The following MAPK4 variants were observed in gnomAD, a reference collection of about 807,000 sequenced individuals.
MAPK4 encodes mitogen-activated protein kinase 4, also known as Erk3-related.
Under a neutral mutation model 47.7 loss-of-function variants are expected in MAPK4, and 22 were observed. The ratio of observed to expected loss-of-function variants is 0.46; its 90% CI spans 0.33 to 0.66. The LOEUF is 0.66. MAPK4 is among the 30% of genes least tolerant of loss of function. The pLI is 0.02. For missense variants in MAPK4, 736 were observed against 831.7 expected, an observed-to-expected ratio of 0.88 and a Z score of 1.42; for synonymous variants, 390 against 365.7, an observed-to-expected ratio of 1.07 and a Z score of -0.76.
At chr18:50,616,936 A>G (rs1352894245) in intron 1 of MAPK4, among the ~76,000 whole-genome samples, 2 of 152,212 alleles carry the variant, frequency 1.3e-5, no homozygotes, top group African/African-American at 2.4e-5. Flanking sequence ...GTATCCTTCA[A>G]TCCAATCAAG....
At position 50,730,024 on chromosome 18, in the gene MAPK4, C is replaced by A; in HGVS notation, c.*170C>A. On this transcript the variant is annotated 3_prime_UTR_variant, in exon 6 of 6. Coordinates refer to ENST00000400384, the MANE Select transcript of MAPK4 (RefSeq NM_002747.4). Reference sequence around the variant, plus strand: ...TCCATTTCTTAAACTGCCTTAATAACTAGCCTTTAACCTGTGGGAGCGGGT... The same window carrying A: ...TCCATTTCTTAAACTGCCTTAATAAATAGCCTTTAACCTGTGGGAGCGGGT... The A allele has an allele frequency of 3.0e-6, 2 of 676,192 alleles. No homozygotes were observed. Among genetic ancestry groups the A allele is most frequent in the Non-Finnish European group, 4.7e-6 (2 of 426,716 alleles). 41.9% of individuals were successfully genotyped at this position (676,192 alleles called of 1,614,324 possible).
At chr18:50,638,745 T>G (rs1469395691) in intron 1 of MAPK4, among the ~76,000 whole-genome samples, 3 of 152,200 alleles carry the variant, frequency 2.0e-5, no homozygotes, top group Admixed American at 6.5e-5. Context: ...AGCAGCAGCA[T>G]CAGCAGCATC....
intron 1 of MAPK4, among the ~76,000 whole-genome samples, chr18:50,637,478 T>C (rs1316300730): frequency 1.3e-5 from 2 of 152,170 alleles, no homozygotes; most frequent in African/African-American, 2.4e-5. Flanking sequence ...CTTAACCAGC[T>C]AAAGTAAAGG....
intron 1 of MAPK4, among the ~76,000 whole-genome samples, chr18:50,645,789 C>A (rs1461010913): frequency 6.6e-6 from 1 of 152,148 alleles, no homozygotes; most frequent in African/African-American, 2.4e-5. Flanking sequence ...GGGTGGAAGG[C>A]TGGGGTTTGG....
chr18:50,726,856 CA>C lies in MAPK4; in HGVS notation c.1067+694del, dbSNP rs60760704. Among the ~76,000 whole-genome samples, 436 of 137,904 alleles carry C rather than the reference CA, an allele frequency of 3.2e-3. 1 individual carries two copies. The highest frequency in any genetic ancestry group is 0.015 in the Middle Eastern group (4 of 268). The allele number at this position is 137,904 out of a possible 152,430, so 90.5% of individuals were successfully genotyped here. On this transcript the variant is annotated intron_variant, in intron 5 of 5. Transcript: ENST00000400384. ...TTGAGGTTGCAGAGTGAGACCCTGT[CA>C]AAAAAAAAAAAATGCCATTAACGGG... is the stretch of plus-strand genomic sequence containing the variant.
intron 2 of MAPK4, among the ~76,000 whole-genome samples, chr18:50,696,799 A>T (rs1474090977): frequency 6.6e-6 from 1 of 152,220 alleles, no homozygotes; most frequent in East Asian, 1.9e-4. Flanking sequence ...GCACACACCA[A>T]CACCAGCTGA....
At position 50,678,026 on chromosome 18, in the gene MAPK4, G is replaced by A. The variant is rs539046074; in HGVS notation, c.546+13522G>A. ...GGGCAGGTACTAACTAGTGCCATGT[G>A]AGCCTAAGCAAGTTACTTAACCTCC... is the stretch of plus-strand genomic sequence containing the variant. On this transcript the variant is annotated intron_variant, in intron 2 of 5. Coordinates refer to ENST00000400384, the MANE Select transcript of MAPK4 (RefSeq NM_002747.4). The surrounding 1 kb of genome is among the most constrained non-coding windows in gnomAD (Gnocchi z 4.2). 1.3e-5 allele frequency among the ~76,000 whole-genome samples: 2 copies of A among 152,244 alleles called. No homozygotes were observed. The highest frequency in any genetic ancestry group is 2.9e-5 in the Non-Finnish European group (2 of 68,028).
rs1159851472 is a variant in MAPK4 at position 50,695,636 on chromosome 18, A to G, written c.547-19443A>G. On this transcript the variant is annotated intron_variant, in intron 2 of 5. Transcript: ENST00000400384. ...GACAAGACAGAAGGTGGCGGATGCC[A>G]CGCGTGCAGTAGAGAGAGCTAGAGA... 3.3e-5 allele frequency among the ~76,000 whole-genome samples: 5 copies of G among 152,302 alleles called. No homozygotes were observed. In the East Asian group the frequency reaches 9.7e-4, roughly 29 times the overall value.
intron 1 of MAPK4, among the ~76,000 whole-genome samples, chr18:50,609,707 G>A (rs946723515): frequency 3.3e-5 from 5 of 152,162 alleles, no homozygotes; most frequent in African/African-American, 1.2e-4. Context: ...AAGGCACAGA[G>A]AGGTTAAGTA....
chr18:50,614,130 A>G (rs2042663393), intron 1 of MAPK4, among the ~76,000 whole-genome samples: 1 of 152,138 alleles, frequency 6.6e-6, no homozygotes, highest in African/African-American at 2.4e-5. Context: ...CAATGTTTGG[A>G]TGAAACAATA....
intron 1 of MAPK4, among the ~76,000 whole-genome samples, chr18:50,600,465 T>G (rs1247053543): frequency 6.6e-6 from 1 of 152,168 alleles, no homozygotes; most frequent in Non-Finnish European, 1.5e-5. Context: ...TGGGGGCTTC[T>G]GAGAAATTTT....
intron 1 of MAPK4, among the ~76,000 whole-genome samples, chr18:50,585,373 C>G (rs1019610957): frequency 6.6e-6 from 1 of 152,212 alleles, no homozygotes; most frequent in African/African-American, 2.4e-5. Context: ...AGGATGTTCC[C>G]TGTCCTCCAA....
rs752810509 is a variant in MAPK4 at position 50,729,659 on chromosome 18, C to T, written c.1569C>T (p.Pro523=). Residue 523 remains proline, a synonymous_variant, in exon 6 of 6, where the codon CCC becomes CCT. Transcript: ENST00000400384. ...DPERRLSASP[P]GRPAPVDGGA... ...AGCGCCGCTTGTCTGCCTCGCCCCC[C>T]GGCCGCCCGGCCCCGGTGGACGGCG... The T allele has an allele frequency of 2.3e-4, 347 of 1,522,464 alleles. 1 individual carries two copies. Among genetic ancestry groups the T allele is most frequent in the Non-Finnish European group, 2.7e-4 (307 of 1,132,858 alleles). The allele number at this position is 1,522,464 out of a possible 1,614,324, so 94.3% of individuals were successfully genotyped here. A position where few individuals can be genotyped will look rare whatever the true frequency, so the allele number is the denominator to read the frequency against.
At chr18:50,662,023 C>T (rs893148686) in intron 1 of MAPK4, among the ~76,000 whole-genome samples, 3 of 152,166 alleles carry the variant, frequency 2.0e-5, no homozygotes, top group African/African-American at 4.8e-5. Flanking sequence ...ATCTGTGTCC[C>T]CTAATTTGCC....
chr18:50,669,993 C>T (rs899683154), intron 2 of MAPK4: 1 of 151,892 alleles, frequency 6.6e-6, no homozygotes, highest in Admixed American at 6.6e-5. Flanking sequence ...CCCCGTCTCT[C>T]CTAAAAATAT....
At position 50,729,452 on chromosome 18, in the gene MAPK4, C is replaced by T; in HGVS notation, c.1362C>T (p.Pro454=). The T allele has an allele frequency of 2.0e-6, 3 of 1,525,426 alleles. No homozygotes were observed. Among genetic ancestry groups the T allele is most frequent in the Non-Finnish European group, 2.7e-6 (3 of 1,131,164 alleles). The allele number at this position is 1,525,426 out of a possible 1,614,324, so 94.5% of individuals were successfully genotyped here. ...RDNKPHHYSE[P]KLILDLSHWK... ...ACAAGCCGCACCACTACTCGGAGCC[C>T]AAGCTCATCCTGGACCTGTCGCACT... Residue 454 remains proline (P), a synonymous_variant, in exon 6 of 6, where the codon CCC becomes CCT. Transcript: ENST00000400384.
intron 2 of MAPK4, among the ~76,000 whole-genome samples, chr18:50,697,332 TG>T: frequency 6.6e-6 from 1 of 152,218 alleles, no homozygotes; most frequent in Non-Finnish European, 1.5e-5. Context: ...TGTCACAGAA[TG>T]GGAGCTTCTC....
intron 1 of MAPK4, among the ~76,000 whole-genome samples, chr18:50,608,115 C>T (rs866119164): frequency 1.3e-5 from 2 of 152,082 alleles, no homozygotes; most frequent in Non-Finnish European, 2.9e-5. Context: ...TTACCTTGCC[C>T]GTTGGAAACC....
At chr18:50,601,142 G>C (rs981468754) in intron 1 of MAPK4, among the ~76,000 whole-genome samples, 3 of 149,218 alleles carry the variant, frequency 2.0e-5, no homozygotes, top group African/African-American at 4.9e-5. Flanking sequence ...CAGAGAGAGA[G>C]ACATAGTGTG....
Sources: gnomAD v4.1 joint callset for allele counts (sites outside exome capture counted in the v4.1 genomes callset) on GRCh38, gnomAD v4.1.1 for gene constraint, Gnocchi (gnomAD v3.1) non-coding constraint, MANE v1.5 for transcripts, NCBI Gene and HGNC (gene_info 2026-07-23, HGNC 2026-07-21) for gene names.